Variants in MSRB2 observed in about 807,000 individuals in gnomAD.
The protein encoded by MSRB2 is methionine sulfoxide reductase B2, also known as methionine-R-sulfoxide reductase B2, mitochondrial.
MSRB2 carries 17 observed loss-of-function variants against 19.0 expected under a neutral mutation model. The observed-to-expected ratio is 0.89, with a 90% CI of 0.61 to 1.34. The LOEUF (loss-of-function observed/expected upper bound fraction) is 1.34, where lower values mean the gene tolerates loss of function less well. MSRB2 is among the 40% of genes most tolerant of loss of function. MSRB2 has a pLI of 0.00. For synonymous variants in MSRB2, 107 were observed against 99.7 expected, an observed-to-expected ratio of 1.07 and a Z score of -0.44; for missense variants, 208 against 237.6, an observed-to-expected ratio of 0.88 and a Z score of 0.82.
chr10:23,114,087 T>C (rs922541812), intron 3 of MSRB2, among the ~76,000 whole-genome samples: 8 of 152,172 alleles, frequency 5.3e-5, no homozygotes, highest in Admixed American at 5.2e-4. Flanking sequence ...TGGTGACTCA[T>C]GCCTGTAATC....
At position 23,095,603 on chromosome 10, in the gene MSRB2, G is replaced by A; in HGVS notation, c.-6G>A. 1 of 1,479,662 alleles carries A rather than the reference G, an allele frequency of 6.8e-7. No homozygotes were observed. The highest frequency in any genetic ancestry group is 8.9e-7 in the Non-Finnish European group (1 of 1,121,136). 91.7% of individuals were successfully genotyped at this position (1,479,662 alleles called of 1,614,324 possible). Reference sequence around the variant, plus strand: ...CAGAGGGCGGAGCGGCGCCGGAGCGGGCGTCATGGCGCGGCTCCTCTGGTT... The same window carrying A: ...CAGAGGGCGGAGCGGCGCCGGAGCGAGCGTCATGGCGCGGCTCCTCTGGTT... On this transcript the variant is annotated 5_prime_UTR_variant, in exon 1 of 5. Transcript: ENST00000376510.
chr10:23,104,026 A>G, intron 1 of MSRB2, 118 bp from the exon 2 acceptor site: 1 of 652,164 alleles, frequency 1.5e-6, no homozygotes, highest in African/African-American at 1.9e-5. Flanking sequence ...CGTGGGAGAG[A>G]GAGGAAGGGA....
In MSRB2 at chr10:23,095,724, C is replaced by A; in HGVS notation, c.116C>A (p.Ala39Glu). ...GGCACCGGGCCGGGACTGGGGGAGG[C>A]AGGTAGGACGCGGGTCCCGCAGGCC... Reference protein sequence around the residue: ...GPGTGPGLGEAGSLATCELPL... With the variant: ...GPGTGPGLGEEGSLATCELPL... Residue 39 changes from alanine (A) to glutamate (E), a missense_variant and splice_region_variant, in exon 1 of 5, where the codon GCA (alanine) becomes GAA (glutamate). Coordinates refer to ENST00000376510, the MANE Select transcript of MSRB2 (RefSeq NM_012228.4). 1 of 1,258,536 alleles carries A rather than the reference C, an allele frequency of 7.9e-7. No homozygotes were observed. The highest frequency in any genetic ancestry group is 1.0e-6 in the Non-Finnish European group (1 of 1,004,760). The allele number at this position is 1,258,536 out of a possible 1,614,324, so 78.0% of individuals were successfully genotyped here.
chr10:23,118,583 T>G (rs1840143280), intron 3 of MSRB2, among the ~76,000 whole-genome samples: 1 of 152,058 alleles, frequency 6.6e-6, no homozygotes, highest in African/African-American at 2.4e-5. Context: ...TTCACTGCAG[T>G]GATTGATGCC....
rs2131635039 is a variant in MSRB2 at position 23,119,295 on chromosome 10, C to A, written c.297-9C>A. The A allele has an allele frequency of 1.2e-6, 2 of 1,613,554 alleles. No individual in the cohort carries two copies. The highest frequency in any genetic ancestry group is 1.7e-6 in the Non-Finnish European group (2 of 1,179,626). On this transcript the variant is annotated splice_polypyrimidine_tract_variant and intron_variant, in intron 3 of 4. Coordinates refer to ENST00000376510, the MANE Select transcript of MSRB2 (RefSeq NM_012228.4). ...TTAGCAGCTGTAGTATCGTTTATGT[C>A]TTCCACAGTTCTGAGAAAAAGTACT...
chr10:23,107,680 A>G (rs1402465774), intron 2 of MSRB2, among the ~76,000 whole-genome samples: 1 of 152,192 alleles, frequency 6.6e-6, no homozygotes, highest in Non-Finnish European at 1.5e-5. Context: ...ATAAATTGTC[A>G]GCTCACGTGT....
At chr10:23,108,089 C>CT (rs1840004263) in intron 2 of MSRB2, among the ~76,000 whole-genome samples, 1 of 151,868 alleles carries the variant, frequency 6.6e-6, no homozygotes, top group Non-Finnish European at 1.5e-5. Flanking sequence ...TCCCGAGTAG[C>CT]TGGGATTACA....
chr10:23,117,970 A>G (rs1036932318), intron 3 of MSRB2, among the ~76,000 whole-genome samples: 1 of 152,254 alleles, frequency 6.6e-6, no homozygotes, highest in Non-Finnish European at 1.5e-5. Flanking sequence ...ATGCTTAGCC[A>G]TCAAGTAAAA....
intron 1 of MSRB2, among the ~76,000 whole-genome samples, chr10:23,099,099 C>T (rs775673800): frequency 6.6e-6 from 1 of 152,114 alleles, no homozygotes; most frequent in Non-Finnish European, 1.5e-5. Flanking sequence ...CTTTAAAGGC[C>T]CTGTCTCTAA....
chr10:23,121,135 A>G lies in MSRB2; in HGVS notation c.*273A>G, dbSNP rs972136583. On this transcript the variant is annotated 3_prime_UTR_variant, in exon 5 of 5. Coordinates refer to ENST00000376510, the MANE Select transcript of MSRB2 (RefSeq NM_012228.4). ...AGAAAAATAAACAAAATTAAAAAGA[A>G]AAAAAAATACCTGAGACTGAGTAAC... The G allele has an allele frequency of 1.3e-5, 5 of 393,704 alleles. No homozygotes were observed. The highest frequency in any genetic ancestry group is 1.0e-4 in the African/African-American group (5 of 48,482). 24.4% of individuals were successfully genotyped at this position (393,704 alleles called of 1,614,324 possible). A position where few individuals can be genotyped will look rare whatever the true frequency, so the allele number is the denominator to read the frequency against.
rs757057592 is a variant in MSRB2 at position 23,119,286 on chromosome 10, C to T, written c.297-18C>T. ...ACAGTGTCATTAGCAGCTGTAGTAT[C>T]GTTTATGTCTTCCACAGTTCTGAGA... On this transcript the variant is annotated intron_variant, in intron 3 of 4. Transcript: ENST00000376510. The T allele has an allele frequency of 5.6e-6, 9 of 1,612,666 alleles. No homozygotes were observed. The East Asian group carries it at 8.9e-5, about 16-fold the overall frequency.
intron 2 of MSRB2, among the ~76,000 whole-genome samples, chr10:23,104,948 T>C (rs1839969086): frequency 6.6e-6 from 1 of 152,306 alleles, no homozygotes; most frequent in African/African-American, 2.4e-5. Context: ...CAGCTAGGGT[T>C]GCTTCTAGCA....
chr10:23,120,679 T>TG (rs1300161442), intron 4 of MSRB2, 79 bp from the exon 5 acceptor site: 26 of 1,061,776 alleles, frequency 2.4e-5, no homozygotes, highest in Middle Eastern at 2.9e-4. Flanking sequence ...GGAGTGATTT[T>TG]GGGGGGGTTC....
At chr10:23,098,676 A>G (rs1426588367) in intron 1 of MSRB2, among the ~76,000 whole-genome samples, 1 of 152,204 alleles carries the variant, frequency 6.6e-6, no homozygotes, top group Non-Finnish European at 1.5e-5. Flanking sequence ...CGGTAGCCAG[A>G]AGACTTGACT....
At chr10:23,113,672 T>C (rs2131631044) in intron 3 of MSRB2, among the ~76,000 whole-genome samples, 2 of 152,310 alleles carry the variant, frequency 1.3e-5, no homozygotes, top group East Asian at 1.9e-4. Flanking sequence ...TTAGTTTAGA[T>C]AAGATCATAT....
chr10:23,105,619 G>A (rs1303958446), intron 2 of MSRB2, among the ~76,000 whole-genome samples: 2 of 152,200 alleles, frequency 1.3e-5, no homozygotes, highest in African/African-American at 2.4e-5. Context: ...CTACTGGAAT[G>A]TAGCTTTTTT....
intron 3 of MSRB2, among the ~76,000 whole-genome samples, chr10:23,114,900 T>C (rs1403961311): frequency 6.6e-6 from 1 of 152,152 alleles, no homozygotes; most frequent in Admixed American, 6.5e-5. Flanking sequence ...TCCGTTGACA[T>C]AGGTGCCATC....
In MSRB2 at chr10:23,119,350, G is replaced by A. The variant is rs373939180; in HGVS notation, c.343G>A (p.Glu115Lys). Residue 115 changes from glutamate to lysine, a missense_variant, in exon 4 of 5, where the codon GAG (glutamate) becomes AAG (lysine). Transcript: ENST00000376510. ...TGGCACTGGGTGGCCTTCGTTTTCC[G>A]AGGCTCATGGTACGTCTGGCTCTGA... ...CSGTGWPSFS[E>K]AHGTSGSDES... 2.3e-5 allele frequency: 37 copies of A among 1,614,016 alleles called. No individual in the cohort carries two copies. Among genetic ancestry groups the A allele is most frequent in the African/African-American group, 2.3e-4 (17 of 74,906 alleles).
intron 1 of MSRB2, among the ~76,000 whole-genome samples, chr10:23,098,387 C>A (rs956570514): frequency 9.2e-5 from 14 of 152,098 alleles, no homozygotes; most frequent in African/African-American, 3.4e-4. Flanking sequence ...GAACTTCTGA[C>A]CAACAAAATA....
Sources: gnomAD v4.1 joint callset for allele counts (sites outside exome capture counted in the v4.1 genomes callset) on GRCh38, gnomAD v4.1.1 for gene constraint, MANE v1.5 for transcripts, NCBI Gene and HGNC (gene_info 2026-07-23, HGNC 2026-07-21) for gene names.